Variants in TTC22 observed in about 807,000 individuals in gnomAD.
TTC22 encodes tetratricopeptide repeat domain 22.
TTC22 carries 42 observed loss-of-function variants against 48.2 expected under a neutral mutation model. The ratio of observed to expected loss-of-function variants is 0.87; its 90% confidence interval spans 0.68 to 1.13. The LOEUF (loss-of-function observed/expected upper bound fraction) is 1.13. Among genes scored for constraint, TTC22 ranks in the 50% most tolerant of loss-of-function variants. The pLI, the probability that TTC22 is intolerant of heterozygous loss-of-function variation, is 0.00. For synonymous variants in TTC22, 345 were observed against 365.5 expected, an observed-to-expected ratio of 0.94 and a Z score of 0.64; for missense variants, 784 against 807.0, an observed-to-expected ratio of 0.97 and a Z score of 0.34.
chr1:54,788,528 C>A (rs983252289), intron 1 of TTC22, among the ~76,000 whole-genome samples: 1 of 152,184 alleles, frequency 6.6e-6, no homozygotes, highest in Non-Finnish European at 1.5e-5. Flanking sequence ...AGCCCAAGAA[C>A]CCCCCTGAAC....
At position 54,785,972 on chromosome 1, in the gene TTC22, A is replaced by T; in HGVS notation, c.1020+11T>A. 2 of 1,609,432 alleles carry T rather than the reference A, an allele frequency of 1.2e-6. No individual in the cohort carries two copies. Among genetic ancestry groups the T allele is most frequent in the Non-Finnish European group, 1.7e-6 (2 of 1,177,722 alleles). ...AATGGCAGGGTATGGTGGGGCAGGAAGTTGACCCACCTTGGCCCTTGTGCA... is the reference window on the plus strand; with the variant it reads ...AATGGCAGGGTATGGTGGGGCAGGATGTTGACCCACCTTGGCCCTTGTGCA... On this transcript the variant is annotated intron_variant, in intron 5 of 6. Transcript: ENST00000371276.
At chr1:54,789,612 C>T (rs1021317752) in intron 1 of TTC22, among the ~76,000 whole-genome samples, 8 of 152,230 alleles carry the variant, frequency 5.3e-5, no homozygotes, top group Admixed American at 3.9e-4. Context: ...AATTGCATTT[C>T]TCAGTCAGTA....
chr1:54,798,500 G>T (rs1646409616), intron 1 of TTC22, among the ~76,000 whole-genome samples: 1 of 152,210 alleles, frequency 6.6e-6, no homozygotes, highest in South Asian at 2.1e-4. Flanking sequence ...TGTGACCTCT[G>T]GGTGTACAGT....
chr1:54,785,922 C>A, intron 5 of TTC22, 61 bp downstream of exon 5: 1 of 1,549,750 alleles, frequency 6.5e-7, no homozygotes, highest in Admixed American at 1.8e-5. Flanking sequence ...GGGTCTTGGC[C>A]TCTGGCCCTT....
Position 54,781,389 on chromosome 1 carries a change from G to C in TTC22, c.1564C>G (p.Arg522Gly). 6 of 1,384,188 alleles carry C rather than the reference G, an allele frequency of 4.3e-6. No individual in the cohort carries two copies. The highest frequency in any genetic ancestry group is 5.6e-6 in the Non-Finnish European group (6 of 1,079,864). The allele number at this position is 1,384,188 out of a possible 1,614,324, so 85.7% of individuals were successfully genotyped here. ...RLRQELQRVW[R>G]GHTDEVLGLA... ...CCCAACACCTCGTCCGTGTGCCCGC[G>C]CCACACGCGCTGCAGCTCCTGGCGC... Residue 522 changes from arginine to glycine, a missense_variant, in exon 7 of 7, where the codon CGC (arginine) becomes GGC (glycine). Arg to Gly is a moderately radical substitution (Grantham distance 125). Transcript: ENST00000371276.
Position 54,781,673 on chromosome 1 carries a change from A to T in TTC22, c.1280T>A (p.Leu427Gln), listed in dbSNP as rs924842765. The change falls in exon 7 of 7, where the codon CTG becomes CAG. Residue 427 changes from leucine (L) to glutamine (Q), a missense_variant. Coordinates refer to ENST00000371276, the MANE Select transcript of TTC22 (RefSeq NM_001114108.2). ...CTGCAGCTCGGGCAGCGTGGCACCC[A>T]GCTCCGACTCGCCCGCCTTGGCCAG... ...VFLAKAGESELGATLPELQLL... is the reference protein window; with the variant it reads ...VFLAKAGESEQGATLPELQLL... The T allele has an allele frequency of 6.3e-5, 96 of 1,530,736 alleles. No homozygotes were observed. The highest frequency in any genetic ancestry group is 5.2e-4 in the Middle Eastern group (3 of 5,764). 94.8% of individuals were successfully genotyped at this position (1,530,736 alleles called of 1,614,324 possible).
intron 1 of TTC22, among the ~76,000 whole-genome samples, chr1:54,795,116 G>T (rs1357881598): frequency 6.6e-6 from 1 of 152,242 alleles, no homozygotes; most frequent in African/African-American, 2.4e-5. Context: ...CTTGTCAGGT[G>T]TGGGGAGGAA....
At chr1:54,795,546 G>A (rs1244825049) in intron 1 of TTC22, among the ~76,000 whole-genome samples, 1 of 152,148 alleles carries the variant, frequency 6.6e-6, no homozygotes, top group Non-Finnish European at 1.5e-5. Flanking sequence ...ATCTGGTCCA[G>A]CGTCCAAATC....
At chr1:54,788,301 A>T (rs1342517955) in intron 1 of TTC22, among the ~76,000 whole-genome samples, 1 of 152,018 alleles carries the variant, frequency 6.6e-6, no homozygotes, top group Non-Finnish European at 1.5e-5. Flanking sequence ...CTGACTACAG[A>T]GACTTTGTGA....
At position 54,801,050 on chromosome 1, in the gene TTC22, C is replaced by G. The variant is rs1317217635; in HGVS notation, c.114G>C (p.Pro38=). 4 of 1,612,176 alleles carry G rather than the reference C, an allele frequency of 2.5e-6. No homozygotes were observed. Among genetic ancestry groups the G allele is most frequent in the Admixed American group, 1.7e-5 (1 of 59,982 alleles). ...EMQLNFEPRS[P]APQRARDLKL... The stretch of plus-strand genomic sequence containing the variant: ...TCAGGTCCCGGGCGCGCTGTGGGGC[C>G]GGCGAGCGCGGCTCGAAGTTCAACT... Residue 38 remains proline, a synonymous_variant, in exon 1 of 7, where the codon CCG becomes CCC. Coordinates refer to ENST00000371276, the MANE Select transcript of TTC22 (RefSeq NM_001114108.2).
intron 1 of TTC22, 145 bp downstream of exon 1, chr1:54,800,452 G>A (rs2101477829): frequency 1.4e-6 from 1 of 709,138 alleles, no homozygotes; most frequent in African/African-American, 1.9e-5. Flanking sequence ...GGCAGGCGGG[G>A]GATGCACATT....
At chr1:54,795,013 C>CT in intron 1 of TTC22, 1 of 152,364 alleles carries the variant, frequency 6.6e-6, no homozygotes, top group Non-Finnish European at 1.5e-5. Flanking sequence ...TGGCCCCAGC[C>CT]TGCCGCCTGT....
At position 54,787,738 on chromosome 1, in the gene TTC22, G is replaced by A. The variant is rs769246960; in HGVS notation, c.712C>T (p.Leu238=). ...NRTLALLRQV[L]KSEDPRHRAL... is the part of the protein sequence containing the mutation. ...CGGTGGCGGGGGTCCTCGGACTTCA[G>A]CACTTGCCGGAGTAGGGCCAGCGTG... The change falls in exon 3 of 7, where the codon CTG becomes TTG. Residue 238 remains leucine, a synonymous_variant. Transcript: ENST00000371276. 1.9e-6 allele frequency: 3 copies of A among 1,613,280 alleles called. No individual in the cohort carries two copies. The African/African-American group carries it at 4.0e-5, about 22-fold the overall frequency.
rs188565237 is a variant in TTC22 at position 54,780,793 on chromosome 1, C to T, written c.*450G>A. The T allele has an allele frequency of 6.5e-6, 1 of 153,956 alleles. No individual in the cohort carries two copies. The highest frequency in any genetic ancestry group is 6.5e-5 in the Admixed American group (1 of 15,336). 9.5% of individuals were successfully genotyped at this position (153,956 alleles called of 1,614,324 possible). ...GGCTGCAGGAGCTGAGACCACACTC[C>T]AGTCAACTAAAGTAAACGGGGCTTT... On this transcript the variant is annotated 3_prime_UTR_variant, in exon 7 of 7. Coordinates refer to ENST00000371276, the MANE Select transcript of TTC22 (RefSeq NM_001114108.2).
At chr1:54,793,063 G>A (rs769401279) in intron 1 of TTC22, 2 of 152,110 alleles carry the variant, frequency 1.3e-5, no homozygotes, top group African/African-American at 2.4e-5. Flanking sequence ...GCCTGGGGTG[G>A]GTGGCCTCCG....
At chr1:54,785,472 G>T (rs1646292785) in intron 5 of TTC22, 1 of 409,620 alleles carries the variant, frequency 2.4e-6, no homozygotes, top group Non-Finnish European at 4.8e-6. Context: ...AGGAATTGTA[G>T]AAGGGATTCC....
chr1:54,785,436 C>A, intron 5 of TTC22: 2 of 345,296 alleles, frequency 5.8e-6, no homozygotes, highest in Non-Finnish European at 1.2e-5. Context: ...CGTGCCAATC[C>A]AGAAGAGGCT....
Position 54,781,427 on chromosome 1 carries a change from G to T in TTC22, c.1526C>A (p.Pro509His). 7.0e-7 allele frequency: 1 copy of T among 1,420,086 alleles called. No individual in the cohort carries two copies. The highest frequency in any genetic ancestry group is 3.0e-5 in the East Asian group (1 of 33,106). 88.0% of individuals were successfully genotyped at this position (1,420,086 alleles called of 1,614,324 possible). ...AWLRRAQDKYPAARLRQELQR... is the reference protein window; with the variant it reads ...AWLRRAQDKYHAARLRQELQR... ...CAGCTCCTGGCGCAGGCGCGCCGCGGGGTACTTGTCCTGGGCGCGGCGCAG... is the reference window on the plus strand; with the variant it reads ...CAGCTCCTGGCGCAGGCGCGCCGCGTGGTACTTGTCCTGGGCGCGGCGCAG... The change falls in exon 7 of 7, where the codon CCC becomes CAC. Residue 509 changes from proline (P) to histidine (H), a missense_variant. By Grantham distance (77) the Pro-to-His change is moderately conservative. Transcript: ENST00000371276.
rs530402990 is a variant in TTC22 at position 54,798,579 on chromosome 1, G to A, written c.567+2018C>T. ...TGTGTCCTCAGCCAGTGGTAGACAC[G>A]TCTCTGATTTGTCCCTTTGGACCAT... On this transcript the variant is annotated intron_variant, in intron 1 of 6. Transcript: ENST00000371276. Among the ~76,000 whole-genome samples, 9 of 152,348 alleles carry A rather than the reference G, an allele frequency of 5.9e-5. No individual in the cohort carries two copies. The South Asian group carries it at 1.7e-3, about 28-fold the overall frequency.
Sources: allele counts gnomAD v4.1 joint callset (sites outside exome capture counted in the v4.1 genomes callset), GRCh38; gene constraint gnomAD v4.1.1; transcripts MANE v1.5; gene names NCBI Gene and HGNC (gene_info 2026-07-23, HGNC 2026-07-21).